The following SPRY3 variants were observed in gnomAD, a reference collection of about 807,000 sequenced individuals.
SPRY3 encodes protein sprouty homolog 3.
In SPRY3, 15 loss-of-function variants were observed where a neutral mutation model predicts 20.2. That is an observed-to-expected ratio of 0.74 (90% CI 0.50 to 1.14). The LOEUF (loss-of-function observed/expected upper bound fraction) is 1.14, where lower values mean the gene tolerates loss of function less well. Ranked by LOEUF, SPRY3 falls within the 50% of genes most tolerant of loss-of-function variation. The pLI is 0.00. For missense variants in SPRY3, 364 were observed against 363.9 expected (o/e 1.00, Z 0.00); for synonymous variants, 143 against 136.5 (o/e 1.05, Z -0.33).
chrX:155,683,700 A>G (rs925824101), intron 2 of SPRY3, among the ~76,000 whole-genome samples: 1 of 111,686 alleles, frequency 9.0e-6, no homozygotes, highest in Non-Finnish European at 1.9e-5. Context: ...GATCTGGCTA[A>G]GGAAAGATGA....
At chrX:155,716,729 A>G (rs1267721961) in intron 2 of SPRY3, among the ~76,000 whole-genome samples, 1 of 151,274 alleles carries the variant, frequency 6.6e-6, no homozygotes, top group Non-Finnish European at 1.5e-5. Context: ...CTGGTTTTCT[A>G]TGAATTGCCC....
At chrX:155,709,070 T>C (rs1245727353) in intron 2 of SPRY3, among the ~76,000 whole-genome samples, 7 of 151,608 alleles carry the variant, frequency 4.6e-5, no homozygotes, top group Admixed American at 1.3e-4. Context: ...CATTTATCAG[T>C]TGAGGGACAC....
At chrX:155,723,658 A>G (rs1342935755) in intron 2 of SPRY3, among the ~76,000 whole-genome samples, 1 of 152,132 alleles carries the variant, frequency 6.6e-6, no homozygotes, top group African/African-American at 2.4e-5. Context: ...AATTTGTTTA[A>G]GTTCCTTGTA....
intron 2 of SPRY3, among the ~76,000 whole-genome samples, chrX:155,688,515 AT>A (rs746024759): frequency 9.0e-6 from 1 of 110,672 alleles, no homozygotes; most frequent in African/African-American, 3.3e-5. Flanking sequence ...GTGTAAAAGC[AT>A]TTTTTTCTTC....
intron 3 of SPRY3, among the ~76,000 whole-genome samples, chrX:155,771,983 C>G (rs898331480): frequency 1.3e-5 from 2 of 152,114 alleles, no homozygotes; most frequent in Admixed American, 1.3e-4. Flanking sequence ...GTTCACATCA[C>G]ATATCCTTCA....
rs149677738 is a variant in SPRY3 at position 155,742,379 on chromosome X, C to T, written c.-281-25583C>T. 5.3e-5 allele frequency among the ~76,000 whole-genome samples: 8 copies of T among 152,210 alleles called. No individual in the cohort carries two copies. The East Asian group carries it at 1.5e-3, about 29-fold the overall frequency. On this transcript the variant is annotated intron_variant, in intron 2 of 3. Coordinates refer to ENST00000675360, the Ensembl canonical transcript of SPRY3. ...AGACCTATGAAGAGACTTAGACTCC[C>T]ACACAATAATACTAGGAGACTTTAT...
At chrX:155,774,226 G>T in exon 4 of SPRY3, 1 of 1,614,028 alleles carries the variant, frequency 6.2e-7, no homozygotes, top group Non-Finnish European at 8.5e-7. Context: ...CCAACCTGGA[G>T]CAGGGGTCCA....
At chrX:155,726,535 A>C (rs745662942) in intron 2 of SPRY3, among the ~76,000 whole-genome samples, 3 of 152,296 alleles carry the variant, frequency 2.0e-5, no homozygotes, top group South Asian at 4.2e-4. Flanking sequence ...TAGGATAGTC[A>C]GCTCTTCTTG....
At chrX:155,697,758 T>TG (rs1359026954) in intron 2 of SPRY3, among the ~76,000 whole-genome samples, 1 of 109,621 alleles carries the variant, frequency 9.1e-6, no homozygotes, top group Non-Finnish European at 1.9e-5. Flanking sequence ...GTTTGAGTCC[T>TG]GGTTTCTCTT....
intron 2 of SPRY3, among the ~76,000 whole-genome samples, chrX:155,731,401 C>A (rs2091131029): frequency 6.6e-6 from 1 of 152,152 alleles, no homozygotes; most frequent in Non-Finnish European, 1.5e-5. Context: ...CAAGAACATA[C>A]ATTAGGGAAA....
Position 155,644,977 on chromosome X carries a change from T to C in SPRY3, c.-440-11890T>C, listed in dbSNP as rs1219474435. Among the ~76,000 whole-genome samples, 13 of 110,450 alleles carry C rather than the reference T, an allele frequency of 1.2e-4. No homozygotes were observed. In the Admixed American group the frequency reaches 1.2e-3, roughly 11 times the overall value. On this transcript the variant is annotated intron_variant, in intron 1 of 3. Coordinates refer to ENST00000675360, the Ensembl canonical transcript of SPRY3. Reference sequence around the variant, plus strand: ...CTTGAAGCCCACAAGTCTCAGAGTCTCACCCAATGCCCATATACTACCTAG... The same window carrying C: ...CTTGAAGCCCACAAGTCTCAGAGTCCCACCCAATGCCCATATACTACCTAG...
chrX:155,711,758 G>C (rs761139216), intron 2 of SPRY3, among the ~76,000 whole-genome samples: 4 of 149,288 alleles, frequency 2.7e-5, no homozygotes, highest in Non-Finnish European at 6.0e-5. Flanking sequence ...GGATCGGTTT[G>C]TTCTTGGCTT....
chrX:155,651,663 C>T (rs1239978613), intron 1 of SPRY3, among the ~76,000 whole-genome samples: 2 of 111,865 alleles, frequency 1.8e-5, no homozygotes, highest in African/African-American at 6.5e-5. Context: ...TGAGGTCTAA[C>T]TTACCAATTT....
intron 2 of SPRY3, among the ~76,000 whole-genome samples, chrX:155,733,411 G>A (rs1446143119): frequency 6.7e-6 from 1 of 149,596 alleles, no homozygotes; most frequent in Admixed American, 6.7e-5. Context: ...TATATATGCT[G>A]AAGATATATA....
intron 3 of SPRY3, among the ~76,000 whole-genome samples, chrX:155,769,535 G>A (rs2091368103): frequency 7.9e-6 from 1 of 127,274 alleles, no homozygotes; most frequent in South Asian, 3.3e-4. Context: ...AAAAGGATTT[G>A]AGTTTTTAAA....
exon 4 of SPRY3, chrX:155,774,160 C>G (rs774064872): frequency 1.9e-6 from 3 of 1,614,030 alleles, no homozygotes; most frequent in Non-Finnish European, 2.5e-6. Flanking sequence ...TGCCTCTGAT[C>G]AAAGGCTCTT....
At chrX:155,734,378 A>G (rs772939764) in intron 2 of SPRY3, among the ~76,000 whole-genome samples, 2 of 152,120 alleles carry the variant, frequency 1.3e-5, no homozygotes, top group Admixed American at 6.6e-5. Context: ...CACACACAAC[A>G]TTGATCAGTT....
intron 3 of SPRY3, among the ~76,000 whole-genome samples, chrX:155,770,809 G>C (rs2091375864): frequency 6.6e-6 from 1 of 152,056 alleles, no homozygotes; most frequent in African/African-American, 2.4e-5. Context: ...TGTCTTGCCT[G>C]TTCCTTTCTC....
intron 2 of SPRY3, among the ~76,000 whole-genome samples, chrX:155,714,935 G>A (rs2091011657): frequency 6.6e-6 from 1 of 152,036 alleles, no homozygotes. Flanking sequence ...ATCAGCTTAT[G>A]GTGAATGCTG....
Sources: gnomAD v4.1 joint callset for allele counts (sites outside exome capture counted in the v4.1 genomes callset) on GRCh38, gnomAD v4.1.1 for gene constraint, MANE v1.5 for transcripts, NCBI Gene and HGNC (gene_info 2026-07-23, HGNC 2026-07-21) for gene names.